Variants in LAPTM4B observed in about 807,000 individuals in gnomAD.
The protein encoded by LAPTM4B is lysosomal protein transmembrane 4 beta.
Under a neutral mutation model 28.5 loss-of-function variants are expected in LAPTM4B, and 26 were observed. The observed-to-expected ratio is 0.91, with a 90% CI of 0.67 to 1.27. LAPTM4B has a LOEUF of 1.27. LAPTM4B is among the 50% of genes most tolerant of loss of function. The pLI, the probability that LAPTM4B is intolerant of heterozygous loss-of-function variation, is 0.00. For missense variants in LAPTM4B, 288 were observed against 285.8 expected (o/e 1.01, Z -0.06); for synonymous variants, 109 against 106.4 (o/e 1.02, Z -0.15).
chr8:97,811,561 T>C (rs1017149927), intron 2 of LAPTM4B, among the ~76,000 whole-genome samples: 1 of 152,182 alleles, frequency 6.6e-6, no homozygotes, highest in Non-Finnish European at 1.5e-5. Context: ...AAAAGAATGA[T>C]GAACCTGAGG....
At chr8:97,832,278 C>T (rs2129826654) in intron 6 of LAPTM4B, among the ~76,000 whole-genome samples, 1 of 152,314 alleles carries the variant, frequency 6.6e-6, no homozygotes, top group Middle Eastern at 3.4e-3. Context: ...CCCACCTCTT[C>T]TAACAGTGTG....
At chr8:97,842,202 A>G (rs1290141192) in intron 6 of LAPTM4B, among the ~76,000 whole-genome samples, 1 of 151,264 alleles carries the variant, frequency 6.6e-6, no homozygotes, top group Non-Finnish European at 1.5e-5. Flanking sequence ...TGAATTTCAT[A>G]TGATTTTCAC....
chr8:97,823,698 GTT>G (rs752570648), intron 5 of LAPTM4B, among the ~76,000 whole-genome samples: 3 of 96,434 alleles, frequency 3.1e-5, no homozygotes, highest in African/African-American at 1.1e-4. Context: ...TATTTATTTA[GTT>G]TTTTTTTTTT....
chr8:97,804,356 G>A (rs989520291), intron 1 of LAPTM4B, among the ~76,000 whole-genome samples: 2 of 152,332 alleles, frequency 1.3e-5, no homozygotes, highest in East Asian at 3.9e-4. Flanking sequence ...GAGGTAGAAT[G>A]ATCAGGATTT....
intron 1 of LAPTM4B, among the ~76,000 whole-genome samples, chr8:97,776,922 A>T (rs1816229246): frequency 6.6e-6 from 1 of 151,900 alleles, no homozygotes; most frequent in East Asian, 1.9e-4. Context: ...AGAGCTAGTG[A>T]GGAAACCTGA....
intron 4 of LAPTM4B, among the ~76,000 whole-genome samples, chr8:97,817,366 A>G (rs1816935625): frequency 6.6e-6 from 1 of 151,324 alleles, no homozygotes; most frequent in South Asian, 2.1e-4. Context: ...TCAAACTCCT[A>G]GACTCAAGTG....
At chr8:97,805,096 G>A (rs188951730) in intron 1 of LAPTM4B, among the ~76,000 whole-genome samples, 108 of 152,288 alleles carry the variant, frequency 7.1e-4, no homozygotes, top group Non-Finnish European at 1.2e-3. Context: ...TGGGCCAGGG[G>A]GAATGAGGTA....
In LAPTM4B at chr8:97,782,950, T is replaced by A. The variant is rs929628389; in HGVS notation, c.99+6842T>A. Among the ~76,000 whole-genome samples the A allele has an allele frequency of 3.5e-3, 239 of 67,476 alleles. 1 individual carries two copies. Among genetic ancestry groups the A allele is most frequent in the Non-Finnish European group, 4.8e-3 (142 of 29,678 alleles). 44.3% of individuals were successfully genotyped at this position (67,476 alleles called of 152,430 possible). A position where few individuals can be genotyped will look rare whatever the true frequency, so the allele number is the denominator to read the frequency against. On this transcript the variant is annotated intron_variant, in intron 1 of 6. Transcript: ENST00000521545. ...TATTTATTTATTTATTTATTTATTT[T>A]TTAGTAGAGACGGGGTTTCTCCATG...
chr8:97,839,049 T>C (rs942988581), intron 6 of LAPTM4B, among the ~76,000 whole-genome samples: 18 of 152,078 alleles, frequency 1.2e-4, no homozygotes, highest in Non-Finnish European at 1.6e-4. Flanking sequence ...GCATCATGGG[T>C]GAGATTGGAC....
At chr8:97,838,939 A>G (rs1023563255) in intron 6 of LAPTM4B, among the ~76,000 whole-genome samples, 3 of 152,166 alleles carry the variant, frequency 2.0e-5, no homozygotes, top group African/African-American at 4.8e-5. Flanking sequence ...TAGTTGTGCT[A>G]CACAGTCCTG....
Position 97,775,877 on chromosome 8 carries a change from G to A in LAPTM4B, c.-133G>A. ...CTCGGGGTATCGAGGAGGCAGGCCCGCGGGCGCACGGGCGAGCGGGCCGGG... is the reference window on the plus strand; with the variant it reads ...CTCGGGGTATCGAGGAGGCAGGCCCACGGGCGCACGGGCGAGCGGGCCGGG... On this transcript the variant is annotated 5_prime_UTR_variant, in exon 1 of 7. Transcript: ENST00000521545. The A allele has an allele frequency of 6.7e-7, 1 of 1,494,336 alleles. No homozygotes were observed. Among genetic ancestry groups the A allele is most frequent in the South Asian group, 1.3e-5 (1 of 79,554 alleles). The allele number at this position is 1,494,336 out of a possible 1,614,324, so 92.6% of individuals were successfully genotyped here.
intron 6 of LAPTM4B, among the ~76,000 whole-genome samples, chr8:97,836,872 G>T (rs1817267184): frequency 6.6e-6 from 1 of 151,886 alleles, no homozygotes; most frequent in South Asian, 2.1e-4. Context: ...GCATCTAACT[G>T]CTTGAAAAAC....
intron 5 of LAPTM4B, among the ~76,000 whole-genome samples, chr8:97,820,891 G>A (rs1816992605): frequency 6.6e-6 from 1 of 151,812 alleles, no homozygotes; most frequent in Admixed American, 6.6e-5. Context: ...ACCACACCCA[G>A]CTAATTTTTG....
intron 5 of LAPTM4B, among the ~76,000 whole-genome samples, chr8:97,821,315 G>A (rs1454361403): frequency 8.9e-5 from 12 of 134,390 alleles, no homozygotes; most frequent in Non-Finnish European, 8.3e-5. Context: ...CAGCCTGGGC[G>A]ACTCCATCTC....
In LAPTM4B at chr8:97,816,148, C is replaced by T; in HGVS notation, c.376C>T (p.Pro126Ser). Residue 126 changes from proline (P) to serine (S), a missense_variant, in exon 4 of 7, where the codon CCA (proline) becomes TCA (serine). Transcript: ENST00000521545. Reference protein sequence around the residue: ...MLVAITVLIYPNSIQEYIRQL... With the variant: ...MLVAITVLIYSNSIQEYIRQL... ...GGTTGCAATCACTGTGCTTATTTAT[C>T]CAAACTCCATTCAGGAATACATACG... 2 of 1,613,562 alleles carry T rather than the reference C, an allele frequency of 1.2e-6. No individual in the cohort carries two copies. Among genetic ancestry groups the T allele is most frequent in the Non-Finnish European group, 1.7e-6 (2 of 1,179,804 alleles).
intron 5 of LAPTM4B, among the ~76,000 whole-genome samples, chr8:97,821,005 G>A (rs1463301129): frequency 6.6e-6 from 1 of 150,758 alleles, no homozygotes; most frequent in Non-Finnish European, 1.5e-5. Context: ...GGAATTACAG[G>A]CATAAGTCAC....
chr8:97,801,387 G>A (rs1160423315), intron 1 of LAPTM4B, among the ~76,000 whole-genome samples: 5 of 151,888 alleles, frequency 3.3e-5, no homozygotes, highest in Non-Finnish European at 7.4e-5. Flanking sequence ...TCACCACGTT[G>A]GCCAAACTGG....
chr8:97,843,398 A>G (rs1817381280), intron 6 of LAPTM4B, among the ~76,000 whole-genome samples: 1 of 152,038 alleles, frequency 6.6e-6, no homozygotes, highest in Admixed American at 6.6e-5. Context: ...TTGGACTGAG[A>G]CTCCGTCTCA....
At chr8:97,785,018 C>A (rs1347731227) in intron 1 of LAPTM4B, among the ~76,000 whole-genome samples, 1 of 151,930 alleles carries the variant, frequency 6.6e-6, no homozygotes, top group Non-Finnish European at 1.5e-5. Flanking sequence ...AATAAAGGAT[C>A]AAGGGCAGTT....
Sources: gnomAD v4.1 joint callset for allele counts (sites outside exome capture counted in the v4.1 genomes callset) on GRCh38, gnomAD v4.1.1 for gene constraint, MANE v1.5 for transcripts, NCBI Gene and HGNC (gene_info 2026-07-23, HGNC 2026-07-21) for gene names.